Variants in KXD1 observed in about 807,000 individuals in gnomAD.
KXD1 encodes the protein KxDL motif containing 1.
Under a neutral mutation model 12.1 loss-of-function variants are expected in KXD1, and 5 were observed. The observed-to-expected ratio is 0.41, with a 90% CI of 0.22 to 0.87. The LOEUF (loss-of-function observed/expected upper bound fraction) is 0.87. Ranked by LOEUF, KXD1 falls within the 40% of genes least tolerant of loss-of-function variation. KXD1 has a pLI of 0.31. For synonymous variants in KXD1, 98 were observed against 100.5 expected (o/e 0.98, Z 0.15); for missense variants, 193 against 244.9 (o/e 0.79, Z 1.41).
rs1253400196 is a variant in KXD1, at chr19:18,566,906, G to GTTGGTGCC, written c.255-224_255-217dup. 3.9e-5 allele frequency among the ~76,000 whole-genome samples: 6 copies of GTTGGTGCC among 152,358 alleles called. No homozygotes were observed. The East Asian group carries it at 1.2e-3, about 29-fold the overall frequency. On this transcript the variant is annotated intron_variant, in intron 3 of 4. Transcript: ENST00000222307. ...GCACCCAGAGTCTAACTAGTTGGGG[G>GTTGGTGCC]TTGGTGCCTACCTTGGGGCTGGAGG...
At chr19:18,558,246 G>C (rs1404575011) in intron 1 of KXD1, 2 of 152,264 alleles carry the variant, frequency 1.3e-5, no homozygotes, top group Admixed American at 1.3e-4. Context: ...GGCGTGAGGG[G>C]ATATTTGAGC....
intron 1 of KXD1, chr19:18,559,569 G>T (rs1021852175): frequency 3.9e-5 from 6 of 152,062 alleles, no homozygotes; most frequent in Non-Finnish European, 7.4e-5. Flanking sequence ...CTTTTTCCTG[G>T]AGAAACATCA....
chr19:18,564,465 C>T (rs1975099792), intron 2 of KXD1, among the ~76,000 whole-genome samples: 1 of 151,918 alleles, frequency 6.6e-6, no homozygotes, highest in Admixed American at 6.6e-5. Flanking sequence ...ACTAAAAATA[C>T]AAAAAATTAG....
chr19:18,568,687 C>A lies in KXD1; in HGVS notation c.*56C>A. 7.4e-7 allele frequency: 1 copy of A among 1,346,292 alleles called. No homozygotes were observed. The highest frequency in any genetic ancestry group is 1.0e-6 in the Non-Finnish European group (1 of 962,070). 83.4% of individuals were successfully genotyped at this position (1,346,292 alleles called of 1,614,324 possible). On this transcript the variant is annotated 3_prime_UTR_variant, in exon 5 of 5. Coordinates refer to ENST00000222307, the MANE Select transcript of KXD1 (RefSeq NM_024069.4). ...AGGGCAGCAGCATACAAGGTGGCAGCGGGTAACCCTGCCTTGTTCTGTCAT... is the reference window on the plus strand; with the variant it reads ...AGGGCAGCAGCATACAAGGTGGCAGAGGGTAACCCTGCCTTGTTCTGTCAT...
chr19:18,563,453 C>G (rs777936647), intron 2 of KXD1, among the ~76,000 whole-genome samples: 45 of 149,920 alleles, frequency 3.0e-4, no homozygotes, highest in Non-Finnish European at 4.6e-4. Flanking sequence ...TCAAGTGATT[C>G]TCCTGCTTCA....
chr19:18,563,032 A>G (rs1455114738), intron 2 of KXD1, among the ~76,000 whole-genome samples: 3 of 152,234 alleles, frequency 2.0e-5, no homozygotes, highest in Non-Finnish European at 4.4e-5. Context: ...TTCTTAAAAC[A>G]TTACGAGATT....
At position 18,568,904 on chromosome 19, in the gene KXD1, C is replaced by G; in HGVS notation, c.*273C>G. ...CCAGCTGGAGTCGTGGGGCTGGGCA[C>G]AGGGGAATTTTTCCAGAGCTGAGCC... On this transcript the variant is annotated 3_prime_UTR_variant, in exon 5 of 5. Coordinates refer to ENST00000222307, the MANE Select transcript of KXD1 (RefSeq NM_024069.4). The G allele has an allele frequency of 2.1e-6, 1 of 484,162 alleles. No individual in the cohort carries two copies. The highest frequency in any genetic ancestry group is 3.7e-6 in the Non-Finnish European group (1 of 268,632). 30.0% of individuals were successfully genotyped at this position (484,162 alleles called of 1,614,324 possible).
intron 2 of KXD1, among the ~76,000 whole-genome samples, chr19:18,563,327 C>T (rs944211230): frequency 3.3e-5 from 5 of 150,048 alleles, no homozygotes; most frequent in African/African-American, 1.2e-4. Context: ...TCAATAGTAC[C>T]TGTCTCTCTC....
chr19:18,559,955 CCTT>C (rs1166426683), intron 1 of KXD1: 2 of 150,772 alleles, frequency 1.3e-5, no homozygotes, highest in Admixed American at 6.7e-5. Context: ...CTCTTTCTCT[CCTT>C]CTCTCTCTCT....
chr19:18,565,244 T>C (rs1243218916), intron 3 of KXD1: 2 of 1,310,672 alleles, frequency 1.5e-6, no homozygotes, highest in East Asian at 5.3e-5. Context: ...TTTTTTTTTT[T>C]TTGGAGACGG....
Position 18,568,794 on chromosome 19 carries a change from G to A in KXD1, c.*163G>A. ...CTCTCCCGAGGGGTGTGGAATTCCT[G>A]GGGGGGTCTTTAATTCTGGCTCCTT... On this transcript the variant is annotated 3_prime_UTR_variant, in exon 5 of 5. Transcript: ENST00000222307. 1 of 599,770 alleles carries A rather than the reference G, an allele frequency of 1.7e-6. No homozygotes were observed. Among genetic ancestry groups the A allele is most frequent in the African/African-American group, 2.0e-5 (1 of 50,142 alleles). The allele number at this position is 599,770 out of a possible 1,614,324, so 37.2% of individuals were successfully genotyped here. A position where few individuals can be genotyped will look rare whatever the true frequency, so the allele number is the denominator to read the frequency against.
chr19:18,565,722 C>G (rs1431671455), intron 3 of KXD1, among the ~76,000 whole-genome samples: 1 of 152,148 alleles, frequency 6.6e-6, no homozygotes, highest in African/African-American at 2.4e-5. Flanking sequence ...GAGTCTTGCT[C>G]TGTCGCCCAG....
At chr19:18,558,721 A>C (rs1474000436) in intron 1 of KXD1, 3 of 152,090 alleles carry the variant, frequency 2.0e-5, no homozygotes, top group African/African-American at 4.8e-5. Flanking sequence ...CAATAAATCT[A>C]CATTTGGAGT....
At chr19:18,561,157 C>T (rs1974903359) in intron 1 of KXD1, among the ~76,000 whole-genome samples, 1 of 152,122 alleles carries the variant, frequency 6.6e-6, no homozygotes, top group African/African-American at 2.4e-5. Context: ...AATCCTAGCA[C>T]TTTGGGAGGC....
intron 3 of KXD1, among the ~76,000 whole-genome samples, chr19:18,566,809 T>A (rs962501241): frequency 2.0e-5 from 3 of 151,066 alleles, no homozygotes; most frequent in Non-Finnish European, 4.4e-5. Context: ...AAAAAAAAAA[T>A]TTATCAGAGA....
At chr19:18,567,212 C>T (rs368563592) in intron 4 of KXD1, 34 bp downstream of exon 4, 16 of 1,609,868 alleles carry the variant, frequency 9.9e-6, no homozygotes, top group African/African-American at 4.0e-5. Flanking sequence ...CTCCCGAGCA[C>T]GTCAGCACTC....
chr19:18,564,853 C>T lies in KXD1; in HGVS notation c.102-16C>T, dbSNP rs1375456379. On this transcript the variant is annotated splice_polypyrimidine_tract_variant and intron_variant, in intron 2 of 4. Coordinates refer to ENST00000222307, the MANE Select transcript of KXD1 (RefSeq NM_024069.4). ...GAAGCTGGGCAGTGAAGCTCATGCC[C>T]TCTCTCCACCATCAGGCTGGACCGC... is the stretch of plus-strand genomic sequence containing the variant. 4.3e-6 allele frequency: 7 copies of T among 1,613,064 alleles called. No individual in the cohort carries two copies. Among genetic ancestry groups the T allele is most frequent in the Admixed American group, 3.3e-5 (2 of 59,992 alleles).
intron 2 of KXD1, among the ~76,000 whole-genome samples, chr19:18,562,986 A>G (rs1360270618): frequency 6.6e-6 from 1 of 152,236 alleles, no homozygotes; most frequent in African/African-American, 2.4e-5. Flanking sequence ...GGCCTGTCCA[A>G]CCCTTTGAAT....
chr19:18,561,289 A>T (rs1326632186), intron 1 of KXD1: 1 of 152,474 alleles, frequency 6.6e-6, no homozygotes, highest in Non-Finnish European at 1.5e-5. Context: ...GCGGTGGCTC[A>T]TGCCTGTAAT....
Sources: allele counts gnomAD v4.1 joint callset (sites outside exome capture counted in the v4.1 genomes callset), GRCh38; gene constraint gnomAD v4.1.1; transcripts MANE v1.5; gene names NCBI Gene and HGNC (gene_info 2026-07-23, HGNC 2026-07-21).